BCAT1: variants seen among roughly 807,000 people sequenced by gnomAD.
BCAT1 encodes the protein branched chain amino acid transaminase 1.
In BCAT1, 48 loss-of-function variants were observed where a neutral mutation model predicts 52.4. The observed-to-expected ratio is 0.92, with a 90% confidence interval of 0.73 to 1.16. BCAT1 has a LOEUF of 1.16. Ranked by LOEUF, BCAT1 falls within the 50% of genes most tolerant of loss-of-function variation. The probability of loss-of-function intolerance (pLI) is 0.00; values close to 1 mark genes in which losing one functional copy is unlikely to be tolerated. For synonymous variants in BCAT1, 167 were observed against 161.3 expected (o/e 1.04, Z -0.27); for missense variants, 451 against 457.1 (o/e 0.99, Z 0.12).
At chr12:24,836,958 AG>A (rs1940986749) in intron 7 of BCAT1, among the ~76,000 whole-genome samples, 1 of 58,098 alleles carries the variant, frequency 1.7e-5, no homozygotes, top group Non-Finnish European at 4.7e-5. Flanking sequence ...AAGAAAGAAA[AG>A]AGAAAGAAAG....
At chr12:24,835,932 G>A (rs1940903050) in intron 8 of BCAT1, among the ~76,000 whole-genome samples, 1 of 152,150 alleles carries the variant, frequency 6.6e-6, no homozygotes, top group South Asian at 2.1e-4. Context: ...ACACGAATTT[G>A]AAAGTCTACT....
chr12:24,835,824 T>C (rs567122184), intron 8 of BCAT1, among the ~76,000 whole-genome samples: 23 of 152,150 alleles, frequency 1.5e-4, no homozygotes, highest in African/African-American at 5.3e-4. Flanking sequence ...TTCCTGGGCT[T>C]AAGTGATCCT....
intron 7 of BCAT1, among the ~76,000 whole-genome samples, chr12:24,837,777 G>T (rs1269396568): frequency 2.0e-5 from 3 of 152,088 alleles, no homozygotes; most frequent in African/African-American, 7.2e-5. Flanking sequence ...TCAGCAACAA[G>T]TATGGAGATG....
intron 8 of BCAT1, chr12:24,834,331 G>C (rs1005936886): frequency 1.0e-6 from 1 of 984,830 alleles, no homozygotes; most frequent in African/African-American, 1.7e-5. Flanking sequence ...TTTCATCATG[G>C]AATTAGTGGT....
At chr12:24,854,237 G>A (rs977236105) in intron 5 of BCAT1, among the ~76,000 whole-genome samples, 1 of 152,220 alleles carries the variant, frequency 6.6e-6, no homozygotes, top group African/African-American at 2.4e-5. Flanking sequence ...GCTGAGAAGA[G>A]TACTATTAGC....
chr12:24,813,659 A>C lies in BCAT1; in HGVS notation c.*4349T>G, dbSNP rs1257219548. ...AGAAAGAGAAGGTAATTCACACCAG[A>C]TGAGGAATGGTGTGAACACTAACCT... On this transcript the variant is annotated 3_prime_UTR_variant, in exon 11 of 11. Transcript: ENST00000261192. 3 of 152,046 alleles carry C rather than the reference A, an allele frequency of 2.0e-5. No homozygotes were observed. Among genetic ancestry groups the C allele is most frequent in the African/African-American group, 7.2e-5 (3 of 41,444 alleles). The allele number at this position is 152,046 out of a possible 1,614,324, so 9.4% of individuals were successfully genotyped here. A position where few individuals can be genotyped will look rare whatever the true frequency, so the allele number is the denominator to read the frequency against.
At chr12:24,912,289 C>T (rs535026112) in intron 1 of BCAT1, among the ~76,000 whole-genome samples, 90 of 151,884 alleles carry the variant, frequency 5.9e-4, no homozygotes, top group African/African-American at 2.0e-3. Flanking sequence ...CCGAGGCGGG[C>T]GGATCACGAG....
At chr12:24,892,515 T>C (rs1942871567) in intron 3 of BCAT1, among the ~76,000 whole-genome samples, 1 of 152,158 alleles carries the variant, frequency 6.6e-6, no homozygotes, top group Non-Finnish European at 1.5e-5. Flanking sequence ...ACATTAAGTT[T>C]GAGAACCAGT....
rs925170683 is a variant in BCAT1 at position 24,815,347 on chromosome 12, A to C, written c.*2661T>G. 1.3e-5 allele frequency: 2 copies of C among 152,670 alleles called. No homozygotes were observed. Among genetic ancestry groups the C allele is most frequent in the South Asian group, 4.1e-4 (2 of 4,834 alleles). The allele number at this position is 152,670 out of a possible 1,614,324, so 9.5% of individuals were successfully genotyped here. A position where few individuals can be genotyped will look rare whatever the true frequency, so the allele number is the denominator to read the frequency against. On this transcript the variant is annotated 3_prime_UTR_variant, in exon 11 of 11. Coordinates refer to ENST00000261192, the MANE Select transcript of BCAT1 (RefSeq NM_005504.7). ...CATTTGATCAACCCAATTAAACATT[A>C]AATAATTGCAGCCAATTATGCAAAT...
At chr12:24,944,171 C>T (rs1027392816) in intron 1 of BCAT1, among the ~76,000 whole-genome samples, 2 of 152,186 alleles carry the variant, frequency 1.3e-5, no homozygotes, top group Admixed American at 6.5e-5. Flanking sequence ...ATGTATTATG[C>T]TTCCCCATGT....
At chr12:24,844,993 A>G (rs967287335) in intron 6 of BCAT1, among the ~76,000 whole-genome samples, 1 of 150,520 alleles carries the variant, frequency 6.6e-6, no homozygotes, top group Non-Finnish European at 1.5e-5. Context: ...TGGGCAAGTT[A>G]CTTGAGGTCA....
At chr12:24,934,636 C>T (rs545479135) in intron 1 of BCAT1, among the ~76,000 whole-genome samples, 1 of 152,168 alleles carries the variant, frequency 6.6e-6, no homozygotes, top group South Asian at 2.1e-4. Context: ...TCACTGCAAC[C>T]TCTGCTCCCA....
intron 5 of BCAT1, among the ~76,000 whole-genome samples, chr12:24,852,181 A>T (rs759975983): frequency 6.6e-6 from 1 of 152,182 alleles, no homozygotes; most frequent in East Asian, 1.9e-4. Context: ...GAGGTCTCCC[A>T]GTCATGCTTC....
chr12:24,938,669 G>A (rs1943804064), intron 1 of BCAT1, among the ~76,000 whole-genome samples: 1 of 152,068 alleles, frequency 6.6e-6, no homozygotes, highest in African/African-American at 2.4e-5. Context: ...GAGCAAGTGA[G>A]TCTGAGCCCA....
At position 24,816,936 on chromosome 12, in the gene BCAT1, G is replaced by T. The variant is rs1486981407; in HGVS notation, c.*1072C>A. 1 of 207,880 alleles carries T rather than the reference G, an allele frequency of 4.8e-6. No homozygotes were observed. The highest frequency in any genetic ancestry group is 2.3e-5 in the African/African-American group (1 of 44,140). 12.9% of individuals were successfully genotyped at this position (207,880 alleles called of 1,614,324 possible). On this transcript the variant is annotated 3_prime_UTR_variant, in exon 11 of 11. Coordinates refer to ENST00000261192, the MANE Select transcript of BCAT1 (RefSeq NM_005504.7). ...AGGTGGAGTTCAGGTGGTAATTCGA[G>T]TGATGGGAAGTAGCCATAAATACAG...
intron 1 of BCAT1, among the ~76,000 whole-genome samples, chr12:24,925,868 A>C (rs1055147169): frequency 6.6e-6 from 1 of 152,236 alleles, no homozygotes; most frequent in Non-Finnish European, 1.5e-5. Context: ...CCGGGATTGC[A>C]GACGGAGTCT....
intron 1 of BCAT1, among the ~76,000 whole-genome samples, chr12:24,926,464 A>C (rs935325036): frequency 6.6e-6 from 1 of 152,264 alleles, no homozygotes; most frequent in East Asian, 1.9e-4. Flanking sequence ...AGGTGTACCC[A>C]ACAGCTCATT....
Position 24,817,921 on chromosome 12 carries a change from A to C in BCAT1, c.*87T>G. On this transcript the variant is annotated 3_prime_UTR_variant, in exon 11 of 11. Coordinates refer to ENST00000261192, the MANE Select transcript of BCAT1 (RefSeq NM_005504.7). ...CTACATTATGCACAGGTAGCCAAAG[A>C]AATCTATCACAATTCAAATGCAACA... is the stretch of plus-strand genomic sequence containing the variant. 1.4e-6 allele frequency: 2 copies of C among 1,419,334 alleles called. No homozygotes were observed. Among genetic ancestry groups the C allele is most frequent in the Non-Finnish European group, 9.9e-7 (1 of 1,011,120 alleles). 87.9% of individuals were successfully genotyped at this position (1,419,334 alleles called of 1,614,324 possible). A position where few individuals can be genotyped will look rare whatever the true frequency, so the allele number is the denominator to read the frequency against.
chr12:24,822,191 G>A lies in BCAT1; in HGVS notation c.1120-4142C>T, dbSNP rs190066147. On this transcript the variant is annotated intron_variant, in intron 10 of 10. Transcript: ENST00000261192. ...CTTTAAAAGAAGAAAAAGGAAAAACGAAACTGTCATTTGAAAAATTCTTCT... is the reference window on the plus strand; with the variant it reads ...CTTTAAAAGAAGAAAAAGGAAAAACAAAACTGTCATTTGAAAAATTCTTCT... 2.8e-3 allele frequency among the ~76,000 whole-genome samples: 432 copies of A among 152,292 alleles called. 2 individuals carry two copies. Among genetic ancestry groups the A allele is most frequent in the Middle Eastern group, 0.017 (5 of 294 alleles).
Sources: allele counts gnomAD v4.1 joint callset (sites outside exome capture counted in the v4.1 genomes callset), GRCh38; gene constraint gnomAD v4.1.1; transcripts MANE v1.5; gene names NCBI Gene and HGNC (gene_info 2026-07-23, HGNC 2026-07-21).